Variants in TRMT2B observed in about 807,000 individuals in gnomAD.
TRMT2B encodes the protein tRNA methyltransferase 2B, also known as tRNA (uracil-5-)-methyltransferase homolog B.
Under a neutral mutation model 39.7 loss-of-function variants are expected in TRMT2B, and 34 were observed. That is an observed-to-expected ratio of 0.86 (90% confidence interval 0.65 to 1.14). The LOEUF (loss-of-function observed/expected upper bound fraction) is 1.14, where lower values mean the gene tolerates loss of function less well. Ranked by LOEUF, TRMT2B falls within the 50% of genes most tolerant of loss-of-function variation. The pLI is 0.00. For missense variants in TRMT2B, 318 were observed against 377.2 expected, an observed-to-expected ratio of 0.84 and a Z score of 1.30; for synonymous variants, 132 against 137.3, an observed-to-expected ratio of 0.96 and a Z score of 0.27.
At chrX:101,002,285 T>G in the TRMT2B span, among the ~76,000 whole-genome samples, 62 of 111,898 alleles carry the variant, frequency 5.5e-4, no homozygotes, top group African/African-American at 1.8e-3. Flanking sequence ...GGGGCCATTC[T>G]CAGGCTATTG....
At chrX:100,982,541 A>C in the TRMT2B span, among the ~76,000 whole-genome samples, 3,632 of 110,127 alleles carry the variant, frequency 0.033, 65 homozygotes, top group Non-Finnish European at 0.051. Context: ...AGAACAGTGG[A>C]TACTGAGAAC....
chrX:101,003,632 G>A, the TRMT2B span, among the ~76,000 whole-genome samples: 3 of 111,633 alleles, frequency 2.7e-5, no homozygotes, highest in Admixed American at 9.5e-5. Flanking sequence ...TTACAGGCAT[G>A]AGCCACTGCA....
chrX:101,043,321 C>G (rs1470898918), intron 2 of TRMT2B, among the ~76,000 whole-genome samples: 2 of 109,949 alleles, frequency 1.8e-5, no homozygotes, highest in Admixed American at 2.0e-4. Context: ...CCTGTAATCC[C>G]AACACTTTGG....
chrX:101,043,240 T>C (rs1220068550), intron 2 of TRMT2B, among the ~76,000 whole-genome samples: 2 of 107,430 alleles, frequency 1.9e-5, no homozygotes, highest in African/African-American at 6.8e-5. Context: ...CATTCCAGCG[T>C]GGGCAACAGA....
chrX:101,036,100 A>G (rs1179199986), intron 6 of TRMT2B, among the ~76,000 whole-genome samples: 1 of 112,116 alleles, frequency 8.9e-6, no homozygotes, highest in African/African-American at 3.2e-5. Flanking sequence ...CTGTGTGACT[A>G]ATATCAAATG....
At chrX:101,005,643 G>A (rs1175732586), downstream of TRMT2B, among the ~76,000 whole-genome samples, 1 of 104,866 alleles carries the variant, frequency 9.5e-6, no homozygotes, top group Non-Finnish European at 2.0e-5. Flanking sequence ...CTGGGAGGCC[G>A]AGGCGGGCAG....
At chrX:100,994,908 CT>C in the TRMT2B span, among the ~76,000 whole-genome samples, 1 of 111,764 alleles carries the variant, frequency 8.9e-6, no homozygotes, top group Non-Finnish European at 1.9e-5. Flanking sequence ...AGTGCTGAGA[CT>C]ACAGGTGTGA....
Position 101,021,251 on chromosome X carries a change from A to G in TRMT2B, c.916T>C (p.Phe306Leu), listed in dbSNP as rs759973271. The G allele has an allele frequency of 8.3e-7, 1 of 1,211,943 alleles. No homozygotes were observed. Among genetic ancestry groups the G allele is most frequent in the Non-Finnish European group, 1.1e-6 (1 of 895,537 alleles). ...ATCTTCAAGCTCAGAAGTTCTTCAA[A>G]GATGTAGGGTTCCCCAAACAGAAGC... is the stretch of plus-strand genomic sequence containing the variant. Reference protein sequence around the residue: ...YQLLFGEPYIFEELLSLKIRI... With the variant: ...YQLLFGEPYILEELLSLKIRI... The change falls in exon 10 of 14, where the codon TTT becomes CTT. Residue 306 changes from phenylalanine (F) to leucine (L), a missense_variant. Coordinates refer to ENST00000372936, the MANE Select transcript of TRMT2B (RefSeq NM_024917.6).
chrX:101,047,709 G>C (rs1326708003), intron 2 of TRMT2B, among the ~76,000 whole-genome samples: 1 of 110,774 alleles, frequency 9.0e-6, no homozygotes, highest in East Asian at 2.8e-4. Flanking sequence ...GCAGGCACCT[G>C]TAATCCCACT....
rs1424254325 is a variant in TRMT2B at position 101,051,343 on chromosome X, A to T, written c.-116T>A. 6.6e-6 allele frequency: 5 copies of T among 751,923 alleles called. No homozygotes were observed. The highest frequency in any genetic ancestry group is 7.8e-6 in the Non-Finnish European group (5 of 639,010). 62.0% of individuals were successfully genotyped at this position (751,923 alleles called of 1,213,427 possible). ...CTCTGCTCACCCTTCCTTCAGCTGG[A>T]CCGGCTCCAGACACTATTCCTTGCT... is the stretch of plus-strand genomic sequence containing the variant. On this transcript the variant is annotated 5_prime_UTR_variant, in exon 2 of 14. Coordinates refer to ENST00000372936, the MANE Select transcript of TRMT2B (RefSeq NM_024917.6).
the TRMT2B span, chrX:100,973,721 G>A: frequency 2.3e-5 from 28 of 1,211,179 alleles, no homozygotes; most frequent in Non-Finnish European, 3.1e-5. Context: ...TGCTGCTCTT[G>A]CCTAAGGACA....
At chrX:101,004,706 G>T (rs748648636), downstream of TRMT2B, among the ~76,000 whole-genome samples, 1 of 110,104 alleles carries the variant, frequency 9.1e-6, no homozygotes, top group South Asian at 3.9e-4. Context: ...TCTCCATGTT[G>T]GTCAGGCTGG....
At chrX:101,024,935 T>G (rs1031965391) in intron 7 of TRMT2B, among the ~76,000 whole-genome samples, 1 of 108,486 alleles carries the variant, frequency 9.2e-6, no homozygotes, top group East Asian at 2.9e-4. Flanking sequence ...TGGTCAAGGC[T>G]GCAGTGAGCC....
chrX:101,021,849 G>A (rs1353223094), intron 9 of TRMT2B, 119 bp downstream of exon 9: 13 of 541,383 alleles, frequency 2.4e-5, no homozygotes, highest in Non-Finnish European at 2.9e-5. Flanking sequence ...CCCAGCTGGT[G>A]TACAAGGACC....
At chrX:101,039,508 AC>A (rs1175160149) in intron 4 of TRMT2B, among the ~76,000 whole-genome samples, 1 of 112,561 alleles carries the variant, frequency 8.9e-6, no homozygotes, top group Non-Finnish European at 1.9e-5. Context: ...GATTAGGCAT[AC>A]AACATTCCAA....
intron 2 of TRMT2B, among the ~76,000 whole-genome samples, chrX:101,048,598 C>T (rs36066311): frequency 0.16 from 17,323 of 111,710 alleles, 1,109 homozygotes; most frequent in Non-Finnish European, 0.18. Context: ...CCCATTGCAC[C>T]CAACTAATTT....
rs2086902571 is a variant in TRMT2B, at chrX:101,023,609, T to G, written c.617A>C (p.Glu206Ala). Reference protein sequence around the residue: ...EKHSQVAQYYEVFLRQSPLEP... With the variant: ...EKHSQVAQYYAVFLRQSPLEP... ...CAATGGAGACTGTCGAAGGAATACTTCATAGTACTAGGAAGAGAACCGAAT... is the reference window on the plus strand; with the variant it reads ...CAATGGAGACTGTCGAAGGAATACTGCATAGTACTAGGAAGAGAACCGAAT... The change falls in exon 8 of 14, where the codon GAA (glutamate) becomes GCA (alanine). Residue 206 changes from glutamate to alanine, a missense_variant. By Grantham distance (107) the Glu-to-Ala change is moderately radical. Coordinates refer to ENST00000372936, the MANE Select transcript of TRMT2B (RefSeq NM_024917.6). 1 of 1,202,761 alleles carries G rather than the reference T, an allele frequency of 8.3e-7. No homozygotes were observed. Among genetic ancestry groups the G allele is most frequent in the Non-Finnish European group, 1.1e-6 (1 of 890,053 alleles).
rs1450597463 is a variant in TRMT2B, at chrX:101,051,639, A to T, written c.-412T>A. The T allele has an allele frequency of 1.3e-6, 1 of 753,499 alleles. No individual in the cohort carries two copies. The highest frequency in any genetic ancestry group is 8.7e-5 in the Admixed American group (1 of 11,513). 62.1% of individuals were successfully genotyped at this position (753,499 alleles called of 1,213,427 possible). On this transcript the variant is annotated 5_prime_UTR_variant, in exon 2 of 14. Coordinates refer to ENST00000372936, the MANE Select transcript of TRMT2B (RefSeq NM_024917.6). ...GGCACAGGCCCACGCTGGGCCGTACACGACCTTGCGCAGTCACCGTCGGGT... is the reference window on the plus strand; with the variant it reads ...GGCACAGGCCCACGCTGGGCCGTACTCGACCTTGCGCAGTCACCGTCGGGT...
chrX:100,973,429 G>A, the TRMT2B span, among the ~76,000 whole-genome samples: 2 of 105,935 alleles, frequency 1.9e-5, no homozygotes, highest in Non-Finnish European at 3.9e-5. Context: ...CCCGGGCGGC[G>A]CTCGCCGGCG....
Sources: allele counts gnomAD v4.1 joint callset (sites outside exome capture counted in the v4.1 genomes callset), GRCh38; gene constraint gnomAD v4.1.1; transcripts MANE v1.5; gene names NCBI Gene and HGNC (gene_info 2026-07-23, HGNC 2026-07-21).